Variants in GATM observed in about 807,000 individuals in gnomAD.
The protein encoded by GATM is glycine amidinotransferase, mitochondrial.
Under a neutral mutation model 54.2 loss-of-function variants are expected in GATM, and 23 were observed. The ratio of observed to expected loss-of-function variants is 0.42; its 90% CI spans 0.31 to 0.60. GATM has a LOEUF of 0.60. GATM is among the 20% of genes least tolerant of loss of function. The probability of loss-of-function intolerance (pLI) is 0.14; values close to 1 mark genes in which losing one functional copy is unlikely to be tolerated. For missense variants in GATM, 401 were observed against 544.9 expected, an observed-to-expected ratio of 0.74 and a Z score of 2.63; for synonymous variants, 168 against 183.1, an observed-to-expected ratio of 0.92 and a Z score of 0.67.
Position 45,369,516 on chromosome 15 carries a change from G to A in GATM, c.294C>T (p.Asn98=), listed in dbSNP as rs1271594468. ...VPPFTIEVKA[N]TYEKYWPFYQ... is the part of the protein sequence containing the mutation. ...AAAATGGCCAGTACTTTTCATATGT[G>A]TTGGCCTGGAAGTAGAAGCAAATAA... The change falls in exon 3 of 9, where the codon AAC becomes AAT. Residue 98 remains asparagine (N), a synonymous_variant. Transcript: ENST00000396659. 3 of 1,613,760 alleles carry A rather than the reference G, an allele frequency of 1.9e-6. No individual in the cohort carries two copies. The highest frequency in any genetic ancestry group is 1.7e-5 in the Admixed American group (1 of 60,008).
upstream of GATM, chr15:45,379,992 C>G (rs1478546321): frequency 6.6e-6 from 1 of 151,440 alleles, no homozygotes; most frequent in Admixed American, 6.6e-5. Context: ...GGCGTGGTGG[C>G]GGGCGCCTGT....
chr15:45,390,336 T>C (rs1018959174), intron 3 of GATM, among the ~76,000 whole-genome samples: 2 of 152,342 alleles, frequency 1.3e-5, no homozygotes, highest in Admixed American at 1.3e-4. Context: ...TAGACATGGA[T>C]TGTTTTTTAA....
At chr15:45,393,244 T>C (rs1389568040) in intron 3 of GATM, among the ~76,000 whole-genome samples, 1 of 152,162 alleles carries the variant, frequency 6.6e-6, no homozygotes, top group Non-Finnish European at 1.5e-5. Context: ...AATTGGTGGG[T>C]GTGGTTTGCA....
intron 2 of GATM, among the ~76,000 whole-genome samples, chr15:45,375,682 A>G (rs1300816216): frequency 1.3e-5 from 2 of 152,168 alleles, no homozygotes; most frequent in African/African-American, 4.8e-5. Context: ...AGATGAGTCA[A>G]TAACTGGAAT....
At chr15:45,375,733 G>A (rs191736029) in intron 2 of GATM, among the ~76,000 whole-genome samples, 50 of 150,450 alleles carry the variant, frequency 3.3e-4, no homozygotes, top group African/African-American at 1.2e-3. Flanking sequence ...GATTGTGAAG[G>A]ATCTTGAATA....
At chr15:45,369,218 A>T in intron 3 of GATM, 108 bp downstream of exon 3, 1 of 855,468 alleles carries the variant, frequency 1.2e-6, no homozygotes, top group South Asian at 1.5e-5. Flanking sequence ...TTCAAGAACT[A>T]GCAAAGCAAA....
chr15:45,387,597 C>T (rs1889818050), intron 3 of GATM, among the ~76,000 whole-genome samples: 1 of 152,200 alleles, frequency 6.6e-6, no homozygotes, highest in African/African-American at 2.4e-5. Flanking sequence ...TTCGCCAGAC[C>T]TCTGGAGAGC....
At chr15:45,393,158 A>C (rs1211122328) in intron 3 of GATM, among the ~76,000 whole-genome samples, 1 of 152,250 alleles carries the variant, frequency 6.6e-6, no homozygotes, top group East Asian at 1.9e-4. Context: ...GGTAGGTATT[A>C]GTTTTATTTC....
upstream of GATM, among the ~76,000 whole-genome samples, chr15:45,383,039 C>T (rs2140667510): frequency 6.6e-6 from 1 of 152,266 alleles, no homozygotes; most frequent in African/African-American, 2.4e-5. Context: ...CTGTTGGCTC[C>T]TTAAGGACAG....
chr15:45,389,438 G>T (rs752618503), intron 3 of GATM, among the ~76,000 whole-genome samples: 8 of 152,026 alleles, frequency 5.3e-5, no homozygotes, highest in Non-Finnish European at 7.4e-5. Context: ...GTTTTTGCAG[G>T]GTTTTTTGTT....
intron 2 of GATM, among the ~76,000 whole-genome samples, chr15:45,374,505 G>A (rs1889595001): frequency 4.6e-5 from 7 of 152,314 alleles, no homozygotes; most frequent in Admixed American, 4.6e-4. Flanking sequence ...CATGTGGATG[G>A]TGTATAAATT....
chr15:45,370,407 G>GAA, intron 2 of GATM, among the ~76,000 whole-genome samples: 1 of 144,954 alleles, frequency 6.9e-6, no homozygotes. Context: ...AAAAGAAAAA[G>GAA]AAAAAAAAAA....
At chr15:45,395,728 C>A (rs985826529) in intron 3 of GATM, among the ~76,000 whole-genome samples, 1 of 152,068 alleles carries the variant, frequency 6.6e-6, no homozygotes, top group African/African-American at 2.4e-5. Context: ...AAATGAATGT[C>A]CTGGAGTAAA....
In GATM at chr15:45,366,227, G is replaced by A. The variant is rs368314780; in HGVS notation, c.814-17C>T. The A allele has an allele frequency of 6.2e-7, 1 of 1,613,760 alleles. No homozygotes were observed. ...GTTTGTAACCTGAAAACAAAAGAAA[G>A]ACATACGATCGATAAATATTTGGTT... On this transcript the variant is annotated splice_polypyrimidine_tract_variant and intron_variant, in intron 5 of 8. Transcript: ENST00000396659.
chr15:45,398,071 A>G (rs1889954357), intron 2 of GATM, among the ~76,000 whole-genome samples: 1 of 152,132 alleles, frequency 6.6e-6, no homozygotes. Context: ...AGCAATTTTC[A>G]TCACCTTTAA....
intron 3 of GATM, chr15:45,396,869 CAAAAAAA>C (rs57667717): frequency 6.0e-5 from 4 of 66,454 alleles, no homozygotes; most frequent in East Asian, 4.3e-4. Flanking sequence ...GACTCCGTCT[CAAAAAAA>C]AAAAAAAAAA....
Position 45,376,586 on chromosome 15 carries a change from A to C in GATM, c.288+15T>G, listed in dbSNP as rs1889640595. ...AGGGAGCGCACTTTCAGACATGTGA[A>C]TAGCCTTCCTTTACCTTCACCTCGA... On this transcript the variant is annotated intron_variant, in intron 2 of 8. Transcript: ENST00000396659. 15 of 1,612,724 alleles carry C rather than the reference A, an allele frequency of 9.3e-6. No individual in the cohort carries two copies. In the East Asian group the frequency reaches 3.3e-4, roughly 36 times the overall value.
At position 45,361,442 on chromosome 15, in the gene GATM, A is replaced by G. The variant is rs2140634817; in HGVS notation, c.*667T>C. On this transcript the variant is annotated 3_prime_UTR_variant, in exon 9 of 9. Transcript: ENST00000396659. ...GAAATGAGGTAAGATGTATATGAAA[A>G]GGTTTTTAGTAGCATATATCACAAT... 6.6e-6 allele frequency: 1 copy of G among 152,436 alleles called. No individual in the cohort carries two copies. The highest frequency in any genetic ancestry group is 1.9e-4 in the East Asian group (1 of 5,190). 9.4% of individuals were successfully genotyped at this position (152,436 alleles called of 1,614,324 possible).
intron 3 of GATM, among the ~76,000 whole-genome samples, chr15:45,385,476 A>G (rs1889793535): frequency 6.6e-6 from 1 of 152,208 alleles, no homozygotes; most frequent in Non-Finnish European, 1.5e-5. Flanking sequence ...TTTTCTTAAT[A>G]TTTCTTAAGT....
Sources: gnomAD v4.1 joint callset for allele counts (sites outside exome capture counted in the v4.1 genomes callset) on GRCh38, gnomAD v4.1.1 for gene constraint, MANE v1.5 for transcripts, NCBI Gene and HGNC (gene_info 2026-07-23, HGNC 2026-07-21) for gene names.